ZXDC: variants seen among roughly 807,000 people sequenced by gnomAD.
ZXDC encodes the protein zinc finger protein ZXDC.
ZXDC carries 58 observed loss-of-function variants against 63.6 expected under a neutral mutation model. The ratio of observed to expected loss-of-function variants is 0.91; its 90% CI spans 0.74 to 1.13. The LOEUF is 1.13. Among genes scored for constraint, ZXDC ranks in the 50% most tolerant of loss-of-function variants. ZXDC has a pLI of 0.00. For missense variants in ZXDC, 1,133 were observed against 1,148.9 expected (o/e 0.99, Z 0.20); for synonymous variants, 561 against 496.1 (o/e 1.13, Z -1.74).
At chr3:126,448,533 G>T (rs1022160768) in intron 7 of ZXDC, among the ~76,000 whole-genome samples, 35 of 152,176 alleles carry the variant, frequency 2.3e-4, no homozygotes, top group African/African-American at 8.4e-4. Context: ...ACCCTGCCTA[G>T]AACACTCTGG....
At chr3:126,444,034 A>G (rs1044002417) in intron 7 of ZXDC, among the ~76,000 whole-genome samples, 9 of 152,286 alleles carry the variant, frequency 5.9e-5, no homozygotes, top group African/African-American at 1.9e-4. Context: ...TCAATTAAAA[A>G]CTTTTTTAAA....
intron 1 of ZXDC, among the ~76,000 whole-genome samples, chr3:126,472,952 T>A (rs1576694949): frequency 2.6e-5 from 4 of 152,190 alleles, no homozygotes; most frequent in Admixed American, 2.6e-4. Context: ...CATTCAGGGC[T>A]CCAACAGGGT....
At position 126,475,644 on chromosome 3, in the gene ZXDC, A is replaced by G; in HGVS notation, c.222T>C (p.Ser74=). The G allele has an allele frequency of 6.8e-7, 1 of 1,466,948 alleles. No homozygotes were observed. The highest frequency in any genetic ancestry group is 9.0e-7 in the Non-Finnish European group (1 of 1,107,362). 90.9% of individuals were successfully genotyped at this position (1,466,948 alleles called of 1,614,324 possible). A position where few individuals can be genotyped will look rare whatever the true frequency, so the allele number is the denominator to read the frequency against. The part of the protein sequence containing the change: ...PPAEDDSDGD[S]FLVLLEVPHG... The stretch of plus-strand genomic sequence containing the variant: ...GCGGCACTTCCAGCAGCACCAAGAA[A>G]GAGTCGCCGTCGCTGTCGTCCTCGG... The change falls in exon 1 of 10, where the codon TCT becomes TCC. Residue 74 remains serine (S), a synonymous_variant. Coordinates refer to ENST00000389709, the MANE Select transcript of ZXDC (RefSeq NM_025112.5).
intron 7 of ZXDC, chr3:126,457,299 C>T (rs1030492205): frequency 3.0e-6 from 3 of 985,314 alleles, no homozygotes; most frequent in Non-Finnish European, 2.4e-6. Context: ...GAGGATGCAA[C>T]ACTGTGACAA....
intron 5 of ZXDC, among the ~76,000 whole-genome samples, chr3:126,464,563 C>T (rs1934680908): frequency 6.6e-6 from 1 of 152,084 alleles, no homozygotes; most frequent in South Asian, 2.1e-4. Context: ...AAATTCAATC[C>T]TGGGATACAT....
In ZXDC at chr3:126,459,734, T is replaced by A. The variant is rs540855539; in HGVS notation, c.2131A>T (p.Ser711Cys). The change falls in exon 7 of 10, where the codon AGT becomes TGT. Residue 711 changes from serine to cysteine, a missense_variant. Transcript: ENST00000389709. ...TAATCAGTTCTTGCTGAGCCCCCAC[T>A]TTCCTGAGACCAAAGAAAAGCATGT... is the stretch of plus-strand genomic sequence containing the variant. ...SAGTGNFYLE[S>C]GGSARTDYRA... 3 of 1,614,170 alleles carry A rather than the reference T, an allele frequency of 1.9e-6. No homozygotes were observed. In the East Asian group the frequency reaches 6.7e-5, roughly 36 times the overall value.
chr3:126,471,142 T>C, intron 3 of ZXDC, 117 bp from the exon 4 acceptor site: 3 of 1,382,292 alleles, frequency 2.2e-6, no homozygotes, highest in Non-Finnish European at 2.9e-6. Context: ...GATCAGTACA[T>C]TTCGGAAAAT....
In ZXDC at chr3:126,458,088, T is replaced by G. The variant is rs147486701; in HGVS notation, c.2212+1565A>C. On this transcript the variant is annotated intron_variant, in intron 7 of 9. Transcript: ENST00000389709. Reference sequence around the variant, plus strand: ...GTGACATATGAACCCCACTGGATTCTGATTCCAACAGACAGTTACATAAAA... The same window carrying G: ...GTGACATATGAACCCCACTGGATTCGGATTCCAACAGACAGTTACATAAAA... 4.0e-3 allele frequency among the ~76,000 whole-genome samples: 602 copies of G among 152,322 alleles called. 7 individuals carry two copies. Among genetic ancestry groups the G allele is most frequent in the African/African-American group, 0.012 (490 of 41,552 alleles).
chr3:126,439,159 C>A (rs1289834464), intron 9 of ZXDC, among the ~76,000 whole-genome samples: 1 of 152,218 alleles, frequency 6.6e-6, no homozygotes, highest in South Asian at 2.1e-4. Context: ...AACTAAAACA[C>A]AATTTGCATG....
At chr3:126,448,700 G>A (rs1225012149) in intron 7 of ZXDC, among the ~76,000 whole-genome samples, 2 of 152,198 alleles carry the variant, frequency 1.3e-5, no homozygotes, top group South Asian at 2.1e-4. Flanking sequence ...CAGGGACAGC[G>A]TATAGCAGAA....
At chr3:126,450,186 A>T in intron 7 of ZXDC, 1 of 381,166 alleles carries the variant, frequency 2.6e-6, no homozygotes, top group Admixed American at 3.1e-5. Context: ...AGGCCCCTCC[A>T]CAGCTGCTCA....
At chr3:126,449,199 A>T (rs1430163616) in intron 7 of ZXDC, among the ~76,000 whole-genome samples, 1 of 152,236 alleles carries the variant, frequency 6.6e-6, no homozygotes, top group East Asian at 1.9e-4. Flanking sequence ...AATGAACAAA[A>T]TATATGTTTA....
intron 9 of ZXDC, among the ~76,000 whole-genome samples, chr3:126,438,669 T>C (rs769251984): frequency 3.3e-5 from 5 of 152,252 alleles, no homozygotes; most frequent in Non-Finnish European, 5.9e-5. Flanking sequence ...GATTGTTCTG[T>C]CTGCACATTG....
intron 7 of ZXDC, among the ~76,000 whole-genome samples, chr3:126,452,738 G>GT (rs1934152817): frequency 7.4e-6 from 1 of 135,462 alleles, no homozygotes; most frequent in African/African-American, 2.6e-5. Flanking sequence ...CCAATCTGCA[G>GT]TTTTTCTTTT....
chr3:126,474,969 A>C lies in ZXDC; in HGVS notation c.897T>G (p.Cys299Trp). 1 of 1,578,704 alleles carries C rather than the reference A, an allele frequency of 6.3e-7. No homozygotes were observed. The highest frequency in any genetic ancestry group is 8.6e-7 in the Non-Finnish European group (1 of 1,162,046). The change falls in exon 1 of 10, where the codon TGT becomes TGG. Residue 299 changes from cysteine to tryptophan, a missense_variant. Transcript: ENST00000389709. ...SHFEPERPYK[C>W]DFPGCEKTFI... ...CGAGAGCGCGGTTACCGGGAAAGTCACACTTGTAAGGGCGCTCGGGCTCGA... is the reference window on the plus strand; with the variant it reads ...CGAGAGCGCGGTTACCGGGAAAGTCCCACTTGTAAGGGCGCTCGGGCTCGA...
rs1404039956 is a variant in ZXDC, at chr3:126,437,666, C to CTTAATTAAACTAA, written c.*708_*709insTTAGTTTAATTAA. The CTTAATTAAACTAA allele has an allele frequency of 2.0e-5, 3 of 152,418 alleles. No individual in the cohort carries two copies. The highest frequency in any genetic ancestry group is 7.2e-5 in the African/African-American group (3 of 41,456). The allele number at this position is 152,418 out of a possible 1,614,324, so 9.4% of individuals were successfully genotyped here. ...TTTATAAACTGTTGCCAAATTACCA[C>CTTAATTAAACTAA]TTAAACACTAATATCCAAATACAGA... On this transcript the variant is annotated 3_prime_UTR_variant, in exon 10 of 10. Coordinates refer to ENST00000389709, the MANE Select transcript of ZXDC (RefSeq NM_025112.5).
At chr3:126,471,580 G>A (rs1331000816) in intron 3 of ZXDC, among the ~76,000 whole-genome samples, 2 of 152,092 alleles carry the variant, frequency 1.3e-5, no homozygotes, top group African/African-American at 4.8e-5. Flanking sequence ...GAGGTTGTTG[G>A]GAAGGTAGAA....
intron 7 of ZXDC, among the ~76,000 whole-genome samples, chr3:126,456,983 C>T (rs185528095): frequency 2.0e-4 from 31 of 152,296 alleles, no homozygotes; most frequent in African/African-American, 7.5e-4. Context: ...GGTCTCATCT[C>T]CAGAAGACAT....
rs1934549203 is a variant in ZXDC, at chr3:126,461,712, G to A, written c.1950C>T (p.Ala650=). The A allele has an allele frequency of 1.9e-6, 3 of 1,614,034 alleles. No individual in the cohort carries two copies. The East Asian group carries it at 6.7e-5, about 36-fold the overall frequency. ...PTSSSTPREN[A]SVPELLAPIK... is the part of the protein sequence containing the mutation. Reference sequence around the variant, plus strand: ...TTGGAGCCAGCAGTTCCGGGACACTGGCATTTTCTCGGGGGGTGCTCGAAG... The same window carrying A: ...TTGGAGCCAGCAGTTCCGGGACACTAGCATTTTCTCGGGGGGTGCTCGAAG... Residue 650 remains alanine (A), a synonymous_variant, in exon 6 of 10, where the codon GCC becomes GCT. Coordinates refer to ENST00000389709, the MANE Select transcript of ZXDC (RefSeq NM_025112.5).
Sources: allele counts gnomAD v4.1 joint callset (sites outside exome capture counted in the v4.1 genomes callset), GRCh38; gene constraint gnomAD v4.1.1; transcripts MANE v1.5; gene names NCBI Gene and HGNC (gene_info 2026-07-23, HGNC 2026-07-21).